The following GTF2E2 variants were observed in gnomAD, a reference collection of about 807,000 sequenced individuals.
GTF2E2 encodes the protein transcription initiation factor IIE subunit beta.
In GTF2E2, 21 loss-of-function variants were observed where a neutral mutation model predicts 40.5. The observed-to-expected ratio is 0.52, with a 90% CI of 0.37 to 0.75. The LOEUF is 0.75. GTF2E2 is among the 30% of genes least tolerant of loss of function. The pLI, the probability that GTF2E2 is intolerant of heterozygous loss-of-function variation, is 0.00. For synonymous variants in GTF2E2, 117 were observed against 121.6 expected (o/e 0.96, Z 0.25); for missense variants, 298 against 338.4 (o/e 0.88, Z 0.94).
At chr8:30,623,315 G>T (rs962315570) in intron 3 of GTF2E2, among the ~76,000 whole-genome samples, 26 of 151,978 alleles carry the variant, frequency 1.7e-4, no homozygotes, top group African/African-American at 6.3e-4. Context: ...TCGTCCTTGC[G>T]ATAGTTTGCT....
chr8:30,633,910 A>G (rs1314228417), intron 3 of GTF2E2, among the ~76,000 whole-genome samples: 4 of 152,240 alleles, frequency 2.6e-5, no homozygotes, highest in Non-Finnish European at 5.9e-5. Context: ...CACAGAATTT[A>G]GACTCAGCTA....
At chr8:30,603,125 ATTTAGCAAAATG>A (rs1456421988) in intron 6 of GTF2E2, among the ~76,000 whole-genome samples, 1 of 152,180 alleles carries the variant, frequency 6.6e-6, no homozygotes, top group Non-Finnish European at 1.5e-5. Context: ...TTACCTCTAT[ATTTAGCAAAATG>A]ACTAGGGCAC....
intron 6 of GTF2E2, among the ~76,000 whole-genome samples, chr8:30,602,007 T>C (rs989567141): frequency 2.9e-5 from 4 of 136,336 alleles, no homozygotes; most frequent in Non-Finnish European, 6.2e-5. Context: ...TGAGCACTTA[T>C]ACATTTTTTA....
At position 30,580,866 on chromosome 8, in the gene GTF2E2, A is replaced by C. The variant is rs191965348; in HGVS notation, c.644-470T>G. Among the ~76,000 whole-genome samples, 133 of 152,332 alleles carry C rather than the reference A, an allele frequency of 8.7e-4. 2 individuals are homozygous for C. In the East Asian group the frequency reaches 0.015, roughly 17 times the overall value. On this transcript the variant is annotated intron_variant, in intron 6 of 7. Transcript: ENST00000355904. Reference sequence around the variant, plus strand: ...TCTGCAAAAAAGACTTTTGAAATCAAATAACCTGGTAACTGGTGACTAAGG... The same window carrying C: ...TCTGCAAAAAAGACTTTTGAAATCACATAACCTGGTAACTGGTGACTAAGG...
intron 2 of GTF2E2, among the ~76,000 whole-genome samples, chr8:30,650,882 T>A (rs956830436): frequency 3.7e-4 from 57 of 152,082 alleles, no homozygotes; most frequent in African/African-American, 1.4e-3. Context: ...GCCATGGCGA[T>A]GGGTGCCTGT....
chr8:30,578,419 C>A lies in GTF2E2; in HGVS notation c.*502G>T. On this transcript the variant is annotated 3_prime_UTR_variant, in exon 8 of 8. Coordinates refer to ENST00000355904, the MANE Select transcript of GTF2E2 (RefSeq NM_002095.6). Reference sequence around the variant, plus strand: ...TCAGCAACACAGTGCAGACTGCAGGCTTCATCACATCCCCAGCACGTGACC... The same window carrying A: ...TCAGCAACACAGTGCAGACTGCAGGATTCATCACATCCCCAGCACGTGACC... The A allele has an allele frequency of 6.4e-6, 1 of 157,320 alleles. No individual in the cohort carries two copies. The highest frequency in any genetic ancestry group is 1.4e-5 in the Non-Finnish European group (1 of 71,408). The allele number at this position is 157,320 out of a possible 1,614,324, so 9.7% of individuals were successfully genotyped here.
intron 2 of GTF2E2, among the ~76,000 whole-genome samples, chr8:30,651,530 A>AG (rs1298627892): frequency 5.9e-5 from 9 of 152,148 alleles, no homozygotes; most frequent in Non-Finnish European, 1.2e-4. Context: ...TGAGGTAGGA[A>AG]GATTGCTTGA....
chr8:30,657,309 C>T lies in GTF2E2; in HGVS notation c.-5+664G>A, dbSNP rs147044563. ...TGGCTGGTTCCTCCGTGGGCAGACA[C>T]GGAAAACCCAAAAATTAAACTGAAA... On this transcript the variant is annotated intron_variant, in intron 1 of 7. Coordinates refer to ENST00000355904, the MANE Select transcript of GTF2E2 (RefSeq NM_002095.6). 2.6e-5 allele frequency among the ~76,000 whole-genome samples: 4 copies of T among 152,292 alleles called. No homozygotes were observed. The East Asian group carries it at 7.7e-4, about 29-fold the overall frequency.
intron 2 of GTF2E2, among the ~76,000 whole-genome samples, chr8:30,638,330 T>C (rs1345958717): frequency 6.6e-6 from 1 of 152,210 alleles, no homozygotes; most frequent in Non-Finnish European, 1.5e-5. Flanking sequence ...CTGAAGGATC[T>C]GAAATTTTAT....
Position 30,585,772 on chromosome 8 carries a change from TAAAAAAAAAAAAA to T in GTF2E2, c.644-5389_644-5377del, listed in dbSNP as rs146018850. Among the ~76,000 whole-genome samples, 15 of 67,660 alleles carry T rather than the reference TAAAAAAAAAAAAA, an allele frequency of 2.2e-4. 1 individual carries two copies. In the South Asian group the frequency reaches 8.2e-3, roughly 37 times the overall value. The allele number at this position is 67,660 out of a possible 152,430, so 44.4% of individuals were successfully genotyped here. A position where few individuals can be genotyped will look rare whatever the true frequency, so the allele number is the denominator to read the frequency against. On this transcript the variant is annotated intron_variant, in intron 6 of 7. Transcript: ENST00000355904. ...AGCATTAAGGTACATCTTTGCCCTTTAAAAAAAAAAAAAAAAAAAAAAAAAAAAAAGGCCAGGC... is the reference window on the plus strand; with the variant it reads ...AGCATTAAGGTACATCTTTGCCCTTTAAAAAAAAAAAAAAAAAGGCCAGGC...
At chr8:30,595,724 C>G (rs530194297) in intron 6 of GTF2E2, among the ~76,000 whole-genome samples, 1 of 152,046 alleles carries the variant, frequency 6.6e-6, no homozygotes. Flanking sequence ...CCTAGCTACT[C>G]AGGAGGCTGA....
chr8:30,650,098 G>A (rs1187629765), intron 2 of GTF2E2, among the ~76,000 whole-genome samples: 1 of 152,050 alleles, frequency 6.6e-6, no homozygotes. Flanking sequence ...CGTTTAAGGA[G>A]GCCAGAATTA....
chr8:30,624,161 T>C (rs931095565), intron 3 of GTF2E2, among the ~76,000 whole-genome samples: 3 of 152,164 alleles, frequency 2.0e-5, no homozygotes, highest in African/African-American at 7.2e-5. Context: ...CATTTAAGTC[T>C]TTAATCCATC....
intron 6 of GTF2E2, among the ~76,000 whole-genome samples, chr8:30,604,411 C>T (rs1264204364): frequency 6.6e-6 from 1 of 152,118 alleles, no homozygotes; most frequent in Admixed American, 6.5e-5. Context: ...CATTATCTTC[C>T]TGATTTCTAT....
chr8:30,643,375 G>C (rs1228965035), intron 2 of GTF2E2: 3 of 152,138 alleles, frequency 2.0e-5, no homozygotes, highest in African/African-American at 7.2e-5. Context: ...AAGTACATGG[G>C]AGGCCAGGCG....
intron 6 of GTF2E2, among the ~76,000 whole-genome samples, chr8:30,590,785 G>A (rs530857617): frequency 1.5e-4 from 23 of 152,002 alleles, no homozygotes; most frequent in Admixed American, 1.3e-3. Flanking sequence ...CACCCTCCCA[G>A]GTTCAAGTGA....
chr8:30,651,432 C>G (rs1048246582), intron 2 of GTF2E2, among the ~76,000 whole-genome samples: 9 of 151,650 alleles, frequency 5.9e-5, no homozygotes, highest in Admixed American at 1.3e-4. Context: ...TCAAAGAAAA[C>G]AATTTCATTC....
intron 6 of GTF2E2, among the ~76,000 whole-genome samples, chr8:30,592,484 C>T (rs1392098250): frequency 2.0e-5 from 3 of 152,184 alleles, no homozygotes; most frequent in African/African-American, 7.2e-5. Flanking sequence ...ACATCGTTCA[C>T]GTATAGTCAG....
intron 6 of GTF2E2, among the ~76,000 whole-genome samples, chr8:30,588,119 G>T (rs917166039): frequency 6.6e-6 from 1 of 152,176 alleles, no homozygotes; most frequent in African/African-American, 2.4e-5. Flanking sequence ...TACACTGTTG[G>T]TGGAAATGTA....
Sources: gnomAD v4.1 joint callset for allele counts (sites outside exome capture counted in the v4.1 genomes callset) on GRCh38, gnomAD v4.1.1 for gene constraint, MANE v1.5 for transcripts, NCBI Gene and HGNC (gene_info 2026-07-23, HGNC 2026-07-21) for gene names.